CPXM2: variants seen among roughly 807,000 people sequenced by gnomAD.
CPXM2 encodes the protein carboxypeptidase X, M14 family member 2.
A neutral mutation model predicts 86.1 loss-of-function variants in CPXM2; 66 were observed. The ratio of observed to expected loss-of-function variants is 0.77; its 90% confidence interval spans 0.63 to 0.94. The LOEUF (loss-of-function observed/expected upper bound fraction) is 0.94. Ranked by LOEUF, CPXM2 falls within the 40% of genes least tolerant of loss-of-function variation. The pLI, the probability that CPXM2 is intolerant of heterozygous loss-of-function variation, is 0.00. For synonymous variants in CPXM2, 388 were observed against 400.2 expected (o/e 0.97, Z 0.36); for missense variants, 948 against 1,026.3 (o/e 0.92, Z 1.04).
At chr10:123,803,746 C>T (rs1323919429) in intron 4 of CPXM2, among the ~76,000 whole-genome samples, 2 of 152,118 alleles carry the variant, frequency 1.3e-5, no homozygotes, top group Non-Finnish European at 2.9e-5. Context: ...ACTGCAACCT[C>T]TGCCTCCTGG....
intron 2 of CPXM2, among the ~76,000 whole-genome samples, chr10:123,908,379 A>G (rs1434322056): frequency 6.6e-6 from 1 of 152,140 alleles, no homozygotes; most frequent in Non-Finnish European, 1.5e-5. Flanking sequence ...AAATGCAGAA[A>G]CCATCCTGTT....
At chr10:123,810,064 G>T (rs1158594950) in intron 4 of CPXM2, among the ~76,000 whole-genome samples, 2 of 151,518 alleles carry the variant, frequency 1.3e-5, no homozygotes, top group Non-Finnish European at 2.9e-5. Context: ...ATCCATAAAA[G>T]CAAATACTAA....
chr10:123,939,341 T>A (rs992545448), intron 2 of CPXM2: 1 of 152,190 alleles, frequency 6.6e-6, no homozygotes, highest in Non-Finnish European at 1.5e-5. Context: ...GCAGGCAGGT[T>A]CAGGAAGTCC....
Position 123,891,386 on chromosome 10 carries a change from C to T in CPXM2, c.274G>A (p.Glu92Lys), listed in dbSNP as rs756402607. ...ATKPKKAPKR[E>K]KSAPEPPPPG... ...GGAGGCGGCTCCGGAGCCGACTTCT[C>T]CCTCTTGGGAGCTTTCTTGGGCTTG... The change falls in exon 1 of 14, where the codon GAG (glutamate) becomes AAG (lysine). Residue 92 changes from glutamate (E) to lysine (K), a missense_variant. Coordinates refer to ENST00000241305, the MANE Select transcript of CPXM2 (RefSeq NM_198148.3). This position sits in a 1 kb window ranked among gnomAD's most constrained non-coding sequence, Gnocchi z 5.6. The T allele has an allele frequency of 3.6e-5, 57 of 1,565,960 alleles. No homozygotes were observed. Among genetic ancestry groups the T allele is most frequent in the Middle Eastern group, 1.7e-4 (1 of 5,946 alleles).
chr10:123,810,584 A>G (rs1847667995), intron 4 of CPXM2, among the ~76,000 whole-genome samples: 1 of 152,114 alleles, frequency 6.6e-6, no homozygotes, highest in Non-Finnish European at 1.5e-5. Context: ...TTACATTTCT[A>G]TACACCAGCT....
At position 123,817,879 on chromosome 10, in the gene CPXM2, A is replaced by T. The variant is rs185938124; in HGVS notation, c.654-18680T>A. Among the ~76,000 whole-genome samples, 11 of 152,346 alleles carry T rather than the reference A, an allele frequency of 7.2e-5. No homozygotes were observed. The East Asian group carries it at 2.1e-3, about 29-fold the overall frequency. ...GGACATCCCTGAAGGACAGCACTGA[A>T]GGGAAATCTTCCCAGTGGGCAGAAC... is the stretch of plus-strand genomic sequence containing the variant. On this transcript the variant is annotated intron_variant, in intron 4 of 13. Coordinates refer to ENST00000241305, the MANE Select transcript of CPXM2 (RefSeq NM_198148.3).
chr10:123,826,770 T>C (rs938745531), intron 4 of CPXM2, among the ~76,000 whole-genome samples: 13 of 152,108 alleles, frequency 8.5e-5, no homozygotes, highest in Admixed American at 7.2e-4. Flanking sequence ...CAAGAATGCA[T>C]TTGTAAAACC....
At chr10:123,876,749 C>T (rs1944994750) in intron 2 of CPXM2, among the ~76,000 whole-genome samples, 3 of 152,166 alleles carry the variant, frequency 2.0e-5, no homozygotes, top group Non-Finnish European at 4.4e-5. Flanking sequence ...TTCTAAGGCA[C>T]ACAAAAGACC....
At chr10:123,890,524 A>G (rs1172441080) in intron 1 of CPXM2, among the ~76,000 whole-genome samples, 1 of 152,204 alleles carries the variant, frequency 6.6e-6, no homozygotes, top group Non-Finnish European at 1.5e-5. Context: ...AGGCCAGAGA[A>G]TTTGGCCACA....
At chr10:123,757,418 C>G (rs1024728818) in intron 11 of CPXM2, 66 bp from the exon 12 acceptor site, 49 of 1,348,426 alleles carry the variant, frequency 3.6e-5, no homozygotes, top group Non-Finnish European at 5.1e-5. Flanking sequence ...GAATGCGGCA[C>G]AGCGGGCAGC....
At chr10:123,841,725 A>G (rs1848390813) in intron 4 of CPXM2, among the ~76,000 whole-genome samples, 1 of 152,238 alleles carries the variant, frequency 6.6e-6, no homozygotes, top group Non-Finnish European at 1.5e-5. Context: ...CACTGTATGC[A>G]TATGTCATAA....
intron 7 of CPXM2, among the ~76,000 whole-genome samples, chr10:123,772,513 A>AGTTATCACCTCCCTGGTTGTG (rs1846667417): frequency 1.7e-5 from 2 of 115,890 alleles, no homozygotes; most frequent in East Asian, 3.0e-4. Flanking sequence ...CCCTGGGTGT[A>AGTTATCACCTCCCTGGTTGTG]GTTATCACCT....
chr10:123,792,771 T>C (rs950163912), intron 6 of CPXM2, among the ~76,000 whole-genome samples: 1 of 152,150 alleles, frequency 6.6e-6, no homozygotes, highest in African/African-American at 2.4e-5. Context: ...TACTTACGCA[T>C]ACAAATCGGC....
intron 2 of CPXM2, among the ~76,000 whole-genome samples, chr10:123,933,660 G>A (rs1361421738): frequency 6.6e-6 from 1 of 152,090 alleles, no homozygotes; most frequent in East Asian, 1.9e-4. Context: ...AGAGGTTGCA[G>A]TGAGCTGAGA....
intron 13 of CPXM2, chr10:123,751,086 C>T (rs1020998420): frequency 4.9e-5 from 48 of 984,156 alleles, no homozygotes; most frequent in Non-Finnish European, 5.7e-5. Flanking sequence ...AAGCCTGTCC[C>T]GCAGACTCTG....
chr10:123,889,698 C>T (rs150603569), intron 1 of CPXM2, among the ~76,000 whole-genome samples: 129 of 152,238 alleles, frequency 8.5e-4, no homozygotes, highest in African/African-American at 2.9e-3. Flanking sequence ...TATTTGCAAA[C>T]GATGATGAAG....
intron 4 of CPXM2, among the ~76,000 whole-genome samples, chr10:123,799,572 A>G (rs551324504): frequency 5.3e-5 from 8 of 152,332 alleles, no homozygotes; most frequent in Admixed American, 2.0e-4. Context: ...CACACCCAAG[A>G]AGCTCAGTGG....
At chr10:123,796,473 G>A (rs952165648) in intron 6 of CPXM2, among the ~76,000 whole-genome samples, 2 of 152,052 alleles carry the variant, frequency 1.3e-5, no homozygotes, top group Admixed American at 6.5e-5. Flanking sequence ...TTGCACAATC[G>A]AATAAGTACA....
At chr10:123,843,184 T>C in intron 3 of CPXM2, 1 of 407,826 alleles carries the variant, frequency 2.5e-6, no homozygotes, top group Non-Finnish European at 4.8e-6. Context: ...ACTCCTGGGT[T>C]TAAATGACCC....
Sources: allele counts gnomAD v4.1 joint callset (sites outside exome capture counted in the v4.1 genomes callset), GRCh38; gene constraint gnomAD v4.1.1; non-coding constraint Gnocchi (gnomAD v3.1); transcripts MANE v1.5; gene names NCBI Gene and HGNC (gene_info 2026-07-23, HGNC 2026-07-21).